Variants in ETAA1 observed in about 807,000 individuals in gnomAD.
ETAA1 encodes the protein ewing's tumor-associated antigen 1.
ETAA1 carries 49 observed loss-of-function variants against 76.8 expected under a neutral mutation model. The observed-to-expected ratio is 0.64, with a 90% CI of 0.51 to 0.81. The LOEUF is 0.81. ETAA1 is among the 30% of genes least tolerant of loss of function. The pLI, the probability that ETAA1 is intolerant of heterozygous loss-of-function variation, is 0.00. For synonymous variants in ETAA1, 373 were observed against 372.2 expected (o/e 1.00, Z -0.03); for missense variants, 1,099 against 1,074.0 (o/e 1.02, Z -0.32).
chr2:67,403,950 CTG>C lies in ETAA1; in HGVS notation c.1270_1271del (p.Val424Ter). 6.2e-7 allele frequency: 1 copy of C among 1,609,612 alleles called. No homozygotes were observed. On this transcript the variant is annotated frameshift_variant, in exon 5 of 6. Transcript: ENST00000272342. LOFTEE classifies it high-confidence loss of function. ...GAAATTTGTACCTTTAATAGTAAAA[CTG>C]TTAAAAATACGTCAAGAGCAAATAC...
intron 3 of ETAA1, chr2:67,400,319 A>T (rs955040403): frequency 2.6e-5 from 4 of 152,118 alleles, no homozygotes; most frequent in African/African-American, 9.7e-5. Context: ...CCATCTCCAA[A>T]GCTTTTTTTT....
rs1426581369 is a variant in ETAA1 at position 67,405,304 on chromosome 2, A to G, written c.2622A>G (p.Lys874=). The change falls in exon 5 of 6, where the codon AAA becomes AAG. Residue 874 remains lysine, a synonymous_variant. Coordinates refer to ENST00000272342, the MANE Select transcript of ETAA1 (RefSeq NM_019002.4). ...EEAVGQQSLV[K]LSESLKQSSK... is the part of the protein sequence containing the mutation. ...CTGTTGGACAGCAATCTTTGGTGAA[A>G]CTTTCTGAATCTTTGAAACAATCTT... 1 of 1,553,702 alleles carries G rather than the reference A, an allele frequency of 6.4e-7. No homozygotes were observed. Among genetic ancestry groups the G allele is most frequent in the East Asian group, 2.3e-5 (1 of 44,278 alleles).
Position 67,404,364 on chromosome 2 carries a change from G to A in ETAA1, c.1682G>A (p.Ser561Asn). ...TCTGCAAATCTAGGCAGTAAAACCA[G>A]TGTTAGTAACCCAAATCAGACTAGT... ...FGSANLGSKT[S>N]VSNPNQTSAS... The change falls in exon 5 of 6, where the codon AGT becomes AAT. Residue 561 changes from serine (S) to asparagine (N), a missense_variant. Transcript: ENST00000272342. 1 of 1,613,230 alleles carries A rather than the reference G, an allele frequency of 6.2e-7. No homozygotes were observed. Among genetic ancestry groups the A allele is most frequent in the Non-Finnish European group, 8.5e-7 (1 of 1,179,440 alleles).
In ETAA1 at chr2:67,403,910, G is replaced by T. The variant is rs1379405940; in HGVS notation, c.1228G>T (p.Val410Phe). ...ACTCTTTCCTTCTAAAACAGCCCAT[G>T]TTACTGATCAAAAGGAAATTTGTAC... ...PELFPSKTAH[V>F]TDQKEICTFN... Residue 410 changes from valine to phenylalanine, a missense_variant, in exon 5 of 6, where the codon GTT becomes TTT. Around this residue, in one of 3 missense-constraint regions of ETAA1, gnomAD observed 761 missense variants for 731.9 expected, o/e 1.04. Coordinates refer to ENST00000272342, the MANE Select transcript of ETAA1 (RefSeq NM_019002.4). 22 of 1,612,544 alleles carry T rather than the reference G, an allele frequency of 1.4e-5. No individual in the cohort carries two copies. Among genetic ancestry groups the T allele is most frequent in the Non-Finnish European group, 1.8e-5 (21 of 1,179,380 alleles).
rs778972129 is a variant in ETAA1 at position 67,399,610 on chromosome 2, A to C, written c.413A>C (p.Asn138Thr). The C allele has an allele frequency of 1.2e-6, 2 of 1,606,934 alleles. No individual in the cohort carries two copies. The highest frequency in any genetic ancestry group is 3.4e-5 in the Admixed American group (2 of 59,598). Residue 138 changes from asparagine (N) to threonine (T), a missense_variant, in exon 3 of 6, where the codon AAT becomes ACT. Asn to Thr is a moderately conservative substitution (Grantham distance 65). This residue lies in a region of ETAA1 where 761 missense variants were observed against 731.9 expected (regional missense o/e 1.04). Coordinates refer to ENST00000272342, the MANE Select transcript of ETAA1 (RefSeq NM_019002.4). ...TDSDEISHIV[N>T]RIAPQDEKPT... The stretch of plus-strand genomic sequence containing the variant: ...AGTGATGAGATTTCACATATTGTTA[A>C]TCGTATTGCTCCTCAGGTAAATATC...
intron 1 of ETAA1, 47 bp downstream of exon 1, chr2:67,397,718 C>T (rs1224548522): frequency 1.3e-6 from 2 of 1,517,832 alleles, no homozygotes; most frequent in Non-Finnish European, 1.8e-6. Flanking sequence ...CGCCGCATCC[C>T]CACATCCCAG....
In ETAA1 at chr2:67,403,687, G is replaced by A; in HGVS notation, c.1005G>A (p.Leu335=). Residue 335 remains leucine (L), a synonymous_variant, in exon 5 of 6, where the codon CTG becomes CTA. Coordinates refer to ENST00000272342, the MANE Select transcript of ETAA1 (RefSeq NM_019002.4). ...ITNETLVIEK[L]SNKTPRSLSS... ...ATGAAACTCTGGTCATTGAAAAACT[G>A]TCAAATAAAACCCCACGATCACTTT... 1 of 1,613,358 alleles carries A rather than the reference G, an allele frequency of 6.2e-7. No individual in the cohort carries two copies. Among genetic ancestry groups the A allele is most frequent in the East Asian group, 2.2e-5 (1 of 44,854 alleles).
At position 67,402,932 on chromosome 2, in the gene ETAA1, G is replaced by A. The variant is rs760157523; in HGVS notation, c.500G>A (p.Ser167Asn). 2.5e-6 allele frequency: 4 copies of A among 1,606,936 alleles called. No homozygotes were observed. Among genetic ancestry groups the A allele is most frequent in the Middle Eastern group, 1.7e-4 (1 of 6,052 alleles). The change falls in exon 4 of 6, where the codon AGT becomes AAT. Residue 167 changes from serine to asparagine, a missense_variant. Physicochemically the swap from Ser to Asn is conservative, Grantham distance 46 (BLOSUM62 1). This residue lies in a region of ETAA1 where 761 missense variants were observed against 731.9 expected (regional missense o/e 1.04). Coordinates refer to ENST00000272342, the MANE Select transcript of ETAA1 (RefSeq NM_019002.4). ...IGETAIPCTP[S>N]VAKGKSRAKI... ...GAAACTGCTATTCCTTGTACTCCCA[G>A]TGTAGCAAAAGGAAAATCAAGAGCA...
At chr2:67,397,791 C>A (rs1005927761) in intron 1 of ETAA1, 120 bp downstream of exon 1, 5 of 1,055,176 alleles carry the variant, frequency 4.7e-6, no homozygotes, top group African/African-American at 4.7e-5. Flanking sequence ...CTCTGGGATT[C>A]ACCCCTCGAG....
rs541916274 is a variant in ETAA1 at position 67,409,943 on chromosome 2, G to A, written c.2686G>A (p.Glu896Lys). 27 of 1,606,528 alleles carry A rather than the reference G, an allele frequency of 1.7e-5. No individual in the cohort carries two copies. Among genetic ancestry groups the A allele is most frequent in the Non-Finnish European group, 2.3e-5 (27 of 1,177,266 alleles). The change falls in exon 6 of 6, where the codon GAA (glutamate) becomes AAA (lysine). Residue 896 changes from glutamate to lysine, a missense_variant. Transcript: ENST00000272342. ...AGAGAAAAATAGAAAGTGTTCTCCT[G>A]AAGAAATTCAGAGAAAAAGACAAGA... ...EEEKNRKCSP[E>K]EIQRKRQEAL...
Position 67,405,291 on chromosome 2 carries a change from A to G in ETAA1, c.2609A>G (p.Gln870Arg), listed in dbSNP as rs1380720424. Residue 870 changes from glutamine to arginine, a missense_variant, in exon 5 of 6, where the codon CAA becomes CGA. Physicochemically the swap from Gln to Arg is conservative, Grantham distance 43. Transcript: ENST00000272342. ...TTACTGGAGGAAGCTGTTGGACAGCAATCTTTGGTGAAACTTTCTGAATCT... is the reference window on the plus strand; with the variant it reads ...TTACTGGAGGAAGCTGTTGGACAGCGATCTTTGGTGAAACTTTCTGAATCT... ...NPLLEEAVGQ[Q>R]SLVKLSESLK... is the part of the protein sequence containing the mutation. The G allele has an allele frequency of 1.9e-6, 3 of 1,565,098 alleles. No homozygotes were observed. In the African/African-American group the frequency reaches 4.1e-5, roughly 22 times the overall value.
In ETAA1 at chr2:67,397,673, TGAGAC is replaced by T; in HGVS notation, c.223+4_223+8del. The T allele has an allele frequency of 6.5e-7, 1 of 1,545,040 alleles. No individual in the cohort carries two copies. The highest frequency in any genetic ancestry group is 8.7e-7 in the Non-Finnish European group (1 of 1,146,242). On this transcript the variant is annotated splice_donor_5th_base_variant and intron_variant, in intron 1 of 5. Coordinates refer to ENST00000272342, the MANE Select transcript of ETAA1 (RefSeq NM_019002.4). The stretch of plus-strand genomic sequence containing the variant: ...TGTGCAGTAAAAGTAACCCCGAGGG[TGAGAC>T]GTCGGCAGCGCGGCCTGCCTTGGCT...
rs764998455 is a variant in ETAA1, at chr2:67,403,928, A to G, written c.1246A>G (p.Ile416Val). ...AGCCCATGTTACTGATCAAAAGGAA[A>G]TTTGTACCTTTAATAGTAAAACTGT... ...KTAHVTDQKE[I>V]CTFNSKTVKN... Residue 416 changes from isoleucine (I) to valine (V), a missense_variant, in exon 5 of 6, where the codon ATT becomes GTT. Transcript: ENST00000272342. 2 of 1,611,906 alleles carry G rather than the reference A, an allele frequency of 1.2e-6. No homozygotes were observed. Among genetic ancestry groups the G allele is most frequent in the East Asian group, 2.2e-5 (1 of 44,848 alleles).
chr2:67,404,049 T>C lies in ETAA1; in HGVS notation c.1367T>C (p.Leu456Ser), dbSNP rs759142775. 1 of 1,605,818 alleles carries C rather than the reference T, an allele frequency of 6.2e-7. No homozygotes were observed. Among genetic ancestry groups the C allele is most frequent in the Non-Finnish European group, 8.5e-7 (1 of 1,176,342 alleles). Reference sequence around the variant, plus strand: ...TCTTCAAAGACATATGACAGAGAATTAATAGATGCAGAATATAGATTTTCA... The same window carrying C: ...TCTTCAAAGACATATGACAGAGAATCAATAGATGCAGAATATAGATTTTCA... Reference protein sequence around the residue: ...DLSSKTYDRELIDAEYRFSPN... With the variant: ...DLSSKTYDRESIDAEYRFSPN... Residue 456 changes from leucine (L) to serine (S), a missense_variant, in exon 5 of 6, where the codon TTA becomes TCA. Physicochemically the swap from Leu to Ser is moderately radical, Grantham distance 145 (BLOSUM62 -2). Transcript: ENST00000272342.
intron 1 of ETAA1, 125 bp from the exon 2 acceptor site, chr2:67,399,044 A>G: frequency 1.2e-6 from 1 of 846,282 alleles, no homozygotes; most frequent in Non-Finnish European, 1.8e-6. Flanking sequence ...TCAGGTAATT[A>G]TCTCTGGGAA....
chr2:67,410,223 A>C lies in ETAA1; in HGVS notation c.*185A>C. 1.7e-6 allele frequency: 1 copy of C among 577,350 alleles called. No homozygotes were observed. Among genetic ancestry groups the C allele is most frequent in the South Asian group, 2.5e-5 (1 of 40,666 alleles). 35.8% of individuals were successfully genotyped at this position (577,350 alleles called of 1,614,324 possible). ...AAACATTTCCTTGGACATGTATTTG[A>C]AAGTCATTAAATACAAAAGTTTTGG... On this transcript the variant is annotated 3_prime_UTR_variant, in exon 6 of 6. Coordinates refer to ENST00000272342, the MANE Select transcript of ETAA1 (RefSeq NM_019002.4).
At position 67,409,978 on chromosome 2, in the gene ETAA1, T is replaced by G. The variant is rs1445064036; in HGVS notation, c.2721T>G (p.Val907=). The G allele has an allele frequency of 6.2e-7, 1 of 1,609,930 alleles. No individual in the cohort carries two copies. The highest frequency in any genetic ancestry group is 1.7e-5 in the Admixed American group (1 of 59,098). Residue 907 remains valine, a synonymous_variant, in exon 6 of 6, where the codon GTT becomes GTG. Coordinates refer to ENST00000272342, the MANE Select transcript of ETAA1 (RefSeq NM_019002.4). ...EIQRKRQEAL[V]RRMAKARASS... ...AGAGAAAAAGACAAGAAGCACTGGT[T>G]CGGAGAATGGCTAAAGCACGAGCCT...
Position 67,403,919 on chromosome 2 carries a change from C to G in ETAA1, c.1237C>G (p.Gln413Glu), listed in dbSNP as rs776419211. Residue 413 changes from glutamine to glutamate, a missense_variant, in exon 5 of 6, where the codon CAA becomes GAA. Around this residue, in one of 3 missense-constraint regions of ETAA1, gnomAD observed 761 missense variants for 731.9 expected, o/e 1.04. Transcript: ENST00000272342. ...TTCTAAAACAGCCCATGTTACTGAT[C>G]AAAAGGAAATTTGTACCTTTAATAG... ...FPSKTAHVTD[Q>E]KEICTFNSKT... The G allele has an allele frequency of 5.0e-6, 8 of 1,611,912 alleles. No homozygotes were observed. Among genetic ancestry groups the G allele is most frequent in the Non-Finnish European group, 6.8e-6 (8 of 1,179,166 alleles).
intron 1 of ETAA1, among the ~76,000 whole-genome samples, chr2:67,398,498 G>T (rs973628528): frequency 6.6e-6 from 1 of 151,774 alleles, no homozygotes; most frequent in African/African-American, 2.4e-5. Context: ...ACCTCGCCCG[G>T]CTAATTTTTT....
Sources: gnomAD v4.1 joint callset for allele counts (sites outside exome capture counted in the v4.1 genomes callset) on GRCh38, gnomAD v4.1.1 for gene constraint, gnomAD v4.1.1 regional missense constraint, MANE v1.5 for transcripts, NCBI Gene and HGNC (gene_info 2026-07-23, HGNC 2026-07-21) for gene names.